The following CPLX2 variants were observed in gnomAD, a reference collection of about 807,000 sequenced individuals.
CPLX2 encodes complexin 2.
In CPLX2, 5 loss-of-function variants were observed where a neutral mutation model predicts 16.3. The ratio of observed to expected loss-of-function variants is 0.31; its 90% CI spans 0.16 to 0.64. The LOEUF (loss-of-function observed/expected upper bound fraction) is 0.64. Among genes scored for constraint, CPLX2 ranks in the 30% least tolerant of loss-of-function variants. The pLI, the probability that CPLX2 is intolerant of heterozygous loss-of-function variation, is 0.79. For synonymous variants in CPLX2, 89 were observed against 73.2 expected (o/e 1.22, Z -1.10); for missense variants, 144 against 181.4 (o/e 0.79, Z 1.18).
At chr5:175,829,992 G>A (rs1184579164) in intron 2 of CPLX2, among the ~76,000 whole-genome samples, 3 of 152,224 alleles carry the variant, frequency 2.0e-5, no homozygotes, top group South Asian at 2.1e-4. Context: ...CAGAGCCGCT[G>A]AACCTTCTGC....
chr5:175,841,652 G>T (rs1355249979), intron 2 of CPLX2, among the ~76,000 whole-genome samples: 1 of 152,164 alleles, frequency 6.6e-6, no homozygotes, highest in African/African-American at 2.4e-5. Flanking sequence ...ACACATGAGT[G>T]CCTCTCACAC....
chr5:175,856,308 GACTTCTGTACAGTCCT>G (rs1319226518), intron 2 of CPLX2, among the ~76,000 whole-genome samples: 6 of 152,306 alleles, frequency 3.9e-5, no homozygotes, highest in African/African-American at 1.4e-4. Context: ...ATTCAGCTGA[GACTTCTGTACAGTCCT>G]CATCTAATCT....
chr5:175,826,017 G>C (rs567849800), intron 2 of CPLX2, among the ~76,000 whole-genome samples: 1 of 150,186 alleles, frequency 6.7e-6, no homozygotes, highest in African/African-American at 2.5e-5. Context: ...CAGCAGATCG[G>C]ATGCTTGTGC....
intron 2 of CPLX2, among the ~76,000 whole-genome samples, chr5:175,864,052 G>A (rs1759421759): frequency 6.6e-6 from 1 of 152,202 alleles, no homozygotes; most frequent in Non-Finnish European, 1.5e-5. Context: ...AACTCCAGAA[G>A]AGAATGCTAT....
At chr5:175,797,210 T>C (rs986996015) in intron 1 of CPLX2, among the ~76,000 whole-genome samples, 1 of 152,240 alleles carries the variant, frequency 6.6e-6, no homozygotes, top group African/African-American at 2.4e-5. Context: ...GCCGCGGGTC[T>C]GGGGCCCCCA....
At chr5:175,822,159 CTTCA>C (rs1272890458) in intron 2 of CPLX2, among the ~76,000 whole-genome samples, 1 of 151,956 alleles carries the variant, frequency 6.6e-6, no homozygotes, top group Non-Finnish European at 1.5e-5. Flanking sequence ...CCACCTTCTC[CTTCA>C]TTTTCTCTTT....
chr5:175,858,725 T>C (rs1356463948), intron 2 of CPLX2, among the ~76,000 whole-genome samples: 1 of 152,138 alleles, frequency 6.6e-6, no homozygotes, highest in African/African-American at 2.4e-5. Context: ...GGCTGCAAAA[T>C]GCAAAAAAGC....
At position 175,880,080 on chromosome 5, in the gene CPLX2, C is replaced by G; in HGVS notation, c.*35C>G. ...CTGCCCCAGCCTACTCCACCTGTTA[C>G]TACTTCTTTTTGGTTCTTTCTTTTC... is the stretch of plus-strand genomic sequence containing the variant. On this transcript the variant is annotated 3_prime_UTR_variant, in exon 4 of 4. Transcript: ENST00000393745. 1 of 1,585,210 alleles carries G rather than the reference C, an allele frequency of 6.3e-7. No individual in the cohort carries two copies. Among genetic ancestry groups the G allele is most frequent in the Non-Finnish European group, 8.6e-7 (1 of 1,163,454 alleles).
At position 175,873,125 on chromosome 5, in the gene CPLX2, AC is replaced by A. The variant is rs1459450665; in HGVS notation, c.-89+1426del. 7.4e-5 allele frequency: 4 copies of A among 54,072 alleles called. No homozygotes were observed. In the Admixed American group the frequency reaches 9.2e-4, roughly 12 times the overall value. The allele number at this position is 54,072 out of a possible 1,614,324, so 3.3% of individuals were successfully genotyped here. A position where few individuals can be genotyped will look rare whatever the true frequency, so the allele number is the denominator to read the frequency against. On this transcript the variant is annotated intron_variant, in intron 1 of 3. Transcript: ENST00000393745. Reference sequence around the variant, plus strand: ...CCCACTCCCACCCACCCCCACCCTCACCCCCCTTCCCGCGCAGGGATAGACC... The same window carrying A: ...CCCACTCCCACCCACCCCCACCCTCACCCCCTTCCCGCGCAGGGATAGACC...
At chr5:175,860,458 AAGAAAG>A (rs1759341575) in intron 2 of CPLX2, among the ~76,000 whole-genome samples, 1 of 134,812 alleles carries the variant, frequency 7.4e-6, no homozygotes, top group Non-Finnish European at 1.5e-5. Context: ...AAGAGAGAGA[AAGAAAG>A]AGAGAGAGAG....
intron 2 of CPLX2, among the ~76,000 whole-genome samples, chr5:175,865,726 G>A (rs529173569): frequency 6.6e-6 from 1 of 152,292 alleles, no homozygotes; most frequent in Admixed American, 6.5e-5. Context: ...TGACTCTATT[G>A]ACCCAGGGCA....
chr5:175,860,474 GA>G, intron 2 of CPLX2, among the ~76,000 whole-genome samples: 1 of 140,704 alleles, frequency 7.1e-6, no homozygotes, highest in Non-Finnish European at 1.5e-5. Context: ...GAGAGAGAGA[GA>G]AAGAAGAAAG....
At chr5:175,820,248 G>A (rs1464217336) in intron 2 of CPLX2, among the ~76,000 whole-genome samples, 2 of 152,210 alleles carry the variant, frequency 1.3e-5, no homozygotes, top group East Asian at 3.9e-4. Flanking sequence ...AATCACTGAG[G>A]GAAACTGATG....
chr5:175,846,237 T>C (rs1390203860), intron 2 of CPLX2, among the ~76,000 whole-genome samples: 1 of 152,142 alleles, frequency 6.6e-6, no homozygotes, highest in Admixed American at 6.5e-5. Context: ...AGGACAGGCA[T>C]GGCAGATCAG....
intron 2 of CPLX2, among the ~76,000 whole-genome samples, chr5:175,852,462 C>T (rs894565388): frequency 6.6e-6 from 1 of 152,172 alleles, no homozygotes; most frequent in African/African-American, 2.4e-5. Context: ...CAAACAGTTT[C>T]TCGGTTTGAC....
intron 1 of CPLX2, among the ~76,000 whole-genome samples, chr5:175,802,640 G>A (rs904444844): frequency 2.0e-5 from 3 of 152,086 alleles, no homozygotes; most frequent in South Asian, 2.1e-4. Flanking sequence ...GCAGAGTAGG[G>A]CATGGGGCCA....
intron 1 of CPLX2, among the ~76,000 whole-genome samples, chr5:175,875,657 CGTGAA>C (rs1243290482): frequency 6.6e-6 from 1 of 152,000 alleles, no homozygotes; most frequent in Non-Finnish European, 1.5e-5. Flanking sequence ...TACTTTCGCC[CGTGAA>C]GTGGAGGGAA....
At chr5:175,806,832 T>G (rs1189509400) in intron 1 of CPLX2, among the ~76,000 whole-genome samples, 2 of 152,036 alleles carry the variant, frequency 1.3e-5, no homozygotes, top group African/African-American at 2.4e-5. Context: ...ACTCTTAGAG[T>G]AAGACAAGAG....
rs568812333 is a variant in CPLX2 at position 175,877,121 on chromosome 5, A to G, written c.-88-1531A>G. 1.3e-4 allele frequency among the ~76,000 whole-genome samples: 20 copies of G among 152,114 alleles called. No individual in the cohort carries two copies. In the South Asian group the frequency reaches 3.7e-3, roughly 28 times the overall value. On this transcript the variant is annotated intron_variant, in intron 1 of 3. Transcript: ENST00000393745. Reference sequence around the variant, plus strand: ...TACTCCCCCATTTTGCAGGGAGCAAACTGAAGCTTGCCCAGGGACCCCCAG... The same window carrying G: ...TACTCCCCCATTTTGCAGGGAGCAAGCTGAAGCTTGCCCAGGGACCCCCAG...
Sources: allele counts gnomAD v4.1 joint callset (sites outside exome capture counted in the v4.1 genomes callset), GRCh38; gene constraint gnomAD v4.1.1; transcripts MANE v1.5; gene names NCBI Gene and HGNC (gene_info 2026-07-23, HGNC 2026-07-21).